The following ARHGAP15 variants were observed in gnomAD, a reference collection of about 807,000 sequenced individuals.
ARHGAP15 encodes the protein Rho GTPase activating protein 15, also known as rho GTPase-activating protein 15.
In ARHGAP15, 51 loss-of-function variants were observed where a neutral mutation model predicts 63.7. That is an observed-to-expected ratio of 0.80 (90% confidence interval 0.64 to 1.01). The LOEUF (loss-of-function observed/expected upper bound fraction) is 1.01. Ranked by LOEUF, ARHGAP15 falls within the 50% of genes least tolerant of loss-of-function variation. The pLI, the probability that ARHGAP15 is intolerant of heterozygous loss-of-function variation, is 0.00. For missense variants in ARHGAP15, 560 were observed against 564.6 expected, an observed-to-expected ratio of 0.99 and a Z score of 0.08; for synonymous variants, 191 against 193.8, an observed-to-expected ratio of 0.99 and a Z score of 0.12.
chr2:143,605,558 GTCCCTAGCTAATATCCCTAGCAAATGA>G (rs1697956797), intron 11 of ARHGAP15, among the ~76,000 whole-genome samples: 1 of 152,010 alleles, frequency 6.6e-6, no homozygotes, highest in East Asian at 1.9e-4. Context: ...AAAAAACCAT[GTCCCTAGCTAATATCCCTAGCAAATGA>G]TCCCTAGCTA....
At chr2:143,513,377 C>T (rs1455681117) in intron 9 of ARHGAP15, among the ~76,000 whole-genome samples, 1 of 152,180 alleles carries the variant, frequency 6.6e-6, no homozygotes, top group Non-Finnish European at 1.5e-5. Context: ...TACCCTGTAG[C>T]TGAAATTCTC....
In ARHGAP15 at chr2:143,529,190, C is replaced by T. The variant is rs571814492; in HGVS notation, c.925+9826C>T. Among the ~76,000 whole-genome samples the T allele has an allele frequency of 3.9e-5, 6 of 152,152 alleles. 1 individual carries two copies. The highest frequency in any genetic ancestry group is 2.1e-4 in the South Asian group (1 of 4,826). ...TCCTATTTTATTTCTTAACTCAGCC[C>T]GCAGCATTACAATCTATATTCCCCA... On this transcript the variant is annotated intron_variant, in intron 10 of 13. Coordinates refer to ENST00000295095, the MANE Select transcript of ARHGAP15 (RefSeq NM_018460.4).
intron 6 of ARHGAP15, among the ~76,000 whole-genome samples, chr2:143,321,427 T>G (rs747884664): frequency 2.0e-5 from 3 of 152,236 alleles, no homozygotes; most frequent in Non-Finnish European, 2.9e-5. Context: ...TTCACACAAA[T>G]GTGCTCCTCC....
intron 10 of ARHGAP15, among the ~76,000 whole-genome samples, chr2:143,525,755 C>T (rs1049618143): frequency 2.0e-5 from 3 of 151,954 alleles, no homozygotes; most frequent in African/African-American, 7.3e-5. Context: ...AAGAAAGCCA[C>T]ATTTAGGGCT....
At chr2:143,206,721 C>A (rs1034671923) in intron 3 of ARHGAP15, among the ~76,000 whole-genome samples, 1 of 151,866 alleles carries the variant, frequency 6.6e-6, no homozygotes, top group African/African-American at 2.4e-5. Flanking sequence ...CACTGTAGTT[C>A]TCCAATAAAT....
At chr2:143,731,661 T>C (rs1445478141) in intron 13 of ARHGAP15, among the ~76,000 whole-genome samples, 1 of 152,224 alleles carries the variant, frequency 6.6e-6, no homozygotes, top group Non-Finnish European at 1.5e-5. Flanking sequence ...TTCATAGCCT[T>C]TCTTATGAAT....
intron 6 of ARHGAP15, among the ~76,000 whole-genome samples, chr2:143,396,619 T>C (rs918172151): frequency 2.0e-5 from 3 of 151,838 alleles, no homozygotes; most frequent in Admixed American, 1.3e-4. Context: ...ATTTAAGTTT[T>C]TTTTTTTTTT....
At chr2:143,746,940 A>G (rs1186254867) in intron 13 of ARHGAP15, among the ~76,000 whole-genome samples, 1 of 152,234 alleles carries the variant, frequency 6.6e-6, no homozygotes, top group African/African-American at 2.4e-5. Flanking sequence ...CCATAAGGAT[A>G]CATGAGCAGG....
chr2:143,147,522 G>A (rs1047992191), intron 1 of ARHGAP15, among the ~76,000 whole-genome samples: 1 of 151,928 alleles, frequency 6.6e-6, no homozygotes, highest in Non-Finnish European at 1.5e-5. Context: ...AATTACAATG[G>A]CGCAGGCATT....
chr2:143,604,780 A>C (rs16822700), intron 11 of ARHGAP15, among the ~76,000 whole-genome samples: 37,839 of 151,970 alleles, frequency 0.25, 4,873 homozygotes, highest in East Asian at 0.37. Context: ...CATCCTGAAA[A>C]CTCGACTCTG....
chr2:143,236,459 A>G (rs1207193733), intron 5 of ARHGAP15: 1 of 152,292 alleles, frequency 6.6e-6, no homozygotes, highest in Non-Finnish European at 1.5e-5. Context: ...AGTCACTACG[A>G]TAGGTGTTCT....
At chr2:143,327,347 A>T (rs2105243185) in intron 6 of ARHGAP15, among the ~76,000 whole-genome samples, 1 of 152,358 alleles carries the variant, frequency 6.6e-6, no homozygotes, top group South Asian at 2.1e-4. Context: ...ATTCAATGCT[A>T]TTCCTATCAA....
In ARHGAP15 at chr2:143,767,975, C is replaced by A; in HGVS notation, c.1245-14C>A. On this transcript the variant is annotated splice_polypyrimidine_tract_variant and intron_variant, in intron 13 of 13. Coordinates refer to ENST00000295095, the MANE Select transcript of ARHGAP15 (RefSeq NM_018460.4). ...AACTCCAGTGAAATTATTTTTTTTT[C>A]TCTCTCTCCACAGGATAGTGGCCAA... 1 of 1,583,138 alleles carries A rather than the reference C, an allele frequency of 6.3e-7. No homozygotes were observed. The highest frequency in any genetic ancestry group is 8.6e-7 in the Non-Finnish European group (1 of 1,166,908).
intron 6 of ARHGAP15, among the ~76,000 whole-genome samples, chr2:143,261,505 A>AT (rs35112145): frequency 0.046 from 6,561 of 141,992 alleles, 374 homozygotes; most frequent in African/African-American, 0.14. Flanking sequence ...CACCCGGCTA[A>AT]TTTTTTTTTT....
intron 6 of ARHGAP15, among the ~76,000 whole-genome samples, chr2:143,372,234 C>G (rs1210328785): frequency 6.6e-6 from 1 of 150,680 alleles, no homozygotes. Flanking sequence ...CCCAGGTACT[C>G]GGAAGGAAGA....
intron 2 of ARHGAP15, among the ~76,000 whole-genome samples, chr2:143,180,998 C>T (rs187017605): frequency 6.6e-6 from 1 of 152,276 alleles, no homozygotes; most frequent in East Asian, 1.9e-4. Flanking sequence ...AATAACAAAA[C>T]TCTAAAGCCA....
intron 12 of ARHGAP15, among the ~76,000 whole-genome samples, chr2:143,632,277 A>G (rs1680076130): frequency 6.6e-6 from 1 of 152,062 alleles, no homozygotes. Flanking sequence ...CAATGCCATC[A>G]CTTTTGGTGT....
chr2:143,688,196 C>T lies in ARHGAP15; in HGVS notation c.1139-15223C>T, dbSNP rs544266064. On this transcript the variant is annotated intron_variant, in intron 12 of 13. Transcript: ENST00000295095. ...TAGTTTTTATCACTTTAATAGCCCT[C>T]CACTCAGTTTTTTCAATACCATTAT... 1.6e-4 allele frequency among the ~76,000 whole-genome samples: 23 copies of T among 147,046 alleles called. No homozygotes were observed. The South Asian group carries it at 4.9e-3, about 31-fold the overall frequency.
At chr2:143,201,607 A>G (rs1692121239) in intron 2 of ARHGAP15, among the ~76,000 whole-genome samples, 1 of 152,100 alleles carries the variant, frequency 6.6e-6, no homozygotes, top group African/African-American at 2.4e-5. Flanking sequence ...GGACTTCTTT[A>G]TACTCACAAG....
Sources: allele counts gnomAD v4.1 joint callset (sites outside exome capture counted in the v4.1 genomes callset), GRCh38; gene constraint gnomAD v4.1.1; transcripts MANE v1.5; gene names NCBI Gene and HGNC (gene_info 2026-07-23, HGNC 2026-07-21).